Variants in INPP4B observed in about 807,000 individuals in gnomAD.
The protein encoded by INPP4B is inositol polyphosphate-4-phosphatase type II B, also known as inositol polyphosphate 4-phosphatase type II.
In INPP4B, 55 loss-of-function variants were observed where a neutral mutation model predicts 122.5. That is an observed-to-expected ratio of 0.45 (90% CI 0.36 to 0.56). The LOEUF (loss-of-function observed/expected upper bound fraction) is 0.56, where lower values mean the gene tolerates loss of function less well. Ranked by LOEUF, INPP4B falls within the 20% of genes least tolerant of loss-of-function variation. The pLI is 0.00. For synonymous variants in INPP4B, 403 were observed against 388.7 expected (o/e 1.04, Z -0.43); for missense variants, 1,000 against 1,097.7 (o/e 0.91, Z 1.26).
Position 142,555,945 on chromosome 4 carries a change from G to A in INPP4B, c.-190-93219C>T, listed in dbSNP as rs776845088. 1.4e-4 allele frequency among the ~76,000 whole-genome samples: 22 copies of A among 151,910 alleles called. 1 individual carries two copies. Among genetic ancestry groups the A allele is most frequent in the African/African-American group, 2.4e-4 (10 of 41,314 alleles). On this transcript the variant is annotated intron_variant, in intron 2 of 25. Coordinates refer to ENST00000262992, the MANE Select transcript of INPP4B (RefSeq NM_001101669.3). ...CAGAAAGTGCATGCTGTGTGTGTGT[G>A]TATATACAGATATAGATTTATATGT...
At chr4:142,216,749 A>T (rs1421864619) in intron 12 of INPP4B, among the ~76,000 whole-genome samples, 1 of 152,226 alleles carries the variant, frequency 6.6e-6, no homozygotes, top group East Asian at 1.9e-4. Context: ...GACATGTTTA[A>T]AACACAAGCT....
intron 1 of INPP4B, among the ~76,000 whole-genome samples, chr4:142,802,676 T>C (rs567816253): frequency 3.9e-4 from 60 of 152,258 alleles, no homozygotes; most frequent in African/African-American, 1.4e-3. Context: ...GGAAGTTACC[T>C]TGAAAGCACA....
intron 17 of INPP4B, among the ~76,000 whole-genome samples, chr4:142,155,245 A>G (rs1177315672): frequency 2.0e-5 from 3 of 152,104 alleles, no homozygotes; most frequent in Non-Finnish European, 4.4e-5. Flanking sequence ...AGATCAGGAC[A>G]ATGGTTTTAA....
intron 2 of INPP4B, among the ~76,000 whole-genome samples, chr4:142,498,957 G>T (rs554869434): frequency 6.6e-6 from 1 of 152,240 alleles, no homozygotes; most frequent in South Asian, 2.1e-4. Flanking sequence ...AGTTAGTATT[G>T]TCAAATATAG....
intron 1 of INPP4B, among the ~76,000 whole-genome samples, chr4:142,803,942 C>T (rs980179112): frequency 2.6e-5 from 4 of 151,888 alleles, no homozygotes; most frequent in Non-Finnish European, 5.9e-5. Flanking sequence ...GCCTATAATC[C>T]TAGCTACTTA....
At chr4:142,426,018 AG>A (rs148719096) in intron 5 of INPP4B, among the ~76,000 whole-genome samples, 32,359 of 152,056 alleles carry the variant, frequency 0.21, 4,421 homozygotes, top group Middle Eastern at 0.31. Context: ...CAGAGCGTCA[AG>A]GAAAGAACAC....
chr4:142,253,753 T>G (rs1733875056), intron 11 of INPP4B, among the ~76,000 whole-genome samples: 1 of 152,116 alleles, frequency 6.6e-6, no homozygotes, highest in African/African-American at 2.4e-5. Context: ...GAGATCAAAC[T>G]GCAAGGTGGC....
intron 2 of INPP4B, among the ~76,000 whole-genome samples, chr4:142,465,752 T>C (rs749790749): frequency 7.9e-5 from 12 of 152,188 alleles, no homozygotes; most frequent in Non-Finnish European, 1.8e-4. Context: ...GGATCCTTCA[T>C]GAATGGCTTA....
chr4:142,833,965 A>G (rs1782480939), intron 1 of INPP4B, among the ~76,000 whole-genome samples: 2 of 152,142 alleles, frequency 1.3e-5, no homozygotes, highest in South Asian at 4.2e-4. Flanking sequence ...AAATCATGGG[A>G]ATCTGGGTAG....
At chr4:142,842,363 T>A (rs534083027) in intron 1 of INPP4B, among the ~76,000 whole-genome samples, 1 of 151,144 alleles carries the variant, frequency 6.6e-6, no homozygotes, top group Admixed American at 6.6e-5. Flanking sequence ...TAATAGCTAA[T>A]GTTTGGTGAA....
At chr4:142,264,296 G>A (rs770616634) in intron 10 of INPP4B, among the ~76,000 whole-genome samples, 2 of 152,126 alleles carry the variant, frequency 1.3e-5, no homozygotes, top group Non-Finnish European at 2.9e-5. Context: ...GTTAAATTCT[G>A]GTTTCAATTA....
chr4:142,149,427 A>G (rs1272077934), intron 17 of INPP4B, among the ~76,000 whole-genome samples: 1 of 152,214 alleles, frequency 6.6e-6, no homozygotes, highest in Non-Finnish European at 1.5e-5. Flanking sequence ...ATGTTTAATA[A>G]AACTCAACAT....
At chr4:142,276,591 C>T (rs1561714924) in intron 9 of INPP4B, among the ~76,000 whole-genome samples, 1 of 151,878 alleles carries the variant, frequency 6.6e-6, no homozygotes, top group Non-Finnish European at 1.5e-5. Context: ...GTAAACCATC[C>T]TACTTATCTC....
chr4:142,702,325 A>G (rs1761902196), intron 2 of INPP4B, among the ~76,000 whole-genome samples: 1 of 152,174 alleles, frequency 6.6e-6, no homozygotes, highest in African/African-American at 2.4e-5. Flanking sequence ...CCTCTTAAAA[A>G]TCATCTACTC....
intron 2 of INPP4B, chr4:142,514,292 C>T (rs901663767): frequency 3.5e-4 from 53 of 152,282 alleles, no homozygotes; most frequent in African/African-American, 1.3e-3. Flanking sequence ...TTAATTTATC[C>T]TTTCTTTGAA....
intron 2 of INPP4B, among the ~76,000 whole-genome samples, chr4:142,595,014 A>G (rs1000519361): frequency 2.0e-5 from 3 of 151,666 alleles, no homozygotes; most frequent in Non-Finnish European, 4.4e-5. Flanking sequence ...CACTATCTCA[A>G]AGTTGCTTCA....
Position 142,237,977 on chromosome 4 carries a change from A to C in INPP4B, c.723T>G (p.Phe241Leu). The C allele has an allele frequency of 6.4e-7, 1 of 1,559,080 alleles. No individual in the cohort carries two copies. Among genetic ancestry groups the C allele is most frequent in the Middle Eastern group, 1.7e-4 (1 of 5,922 alleles). The stretch of plus-strand genomic sequence containing the variant: ...GCATCCACTTATTGTCAGATGTGGG[A>C]AATCTATATAATTTACATACTGGGT... ...LKNPVCKLYR[F>L]PTSDNKWMRI... Residue 241 changes from phenylalanine (F) to leucine (L), a missense_variant, in exon 12 of 26, where the codon TTT becomes TTG. Phe to Leu is a conservative substitution (Grantham distance 22). Coordinates refer to ENST00000262992, the MANE Select transcript of INPP4B (RefSeq NM_001101669.3).
At chr4:142,175,646 G>A (rs1827809909) in intron 15 of INPP4B, among the ~76,000 whole-genome samples, 1 of 151,946 alleles carries the variant, frequency 6.6e-6, no homozygotes, top group Admixed American at 6.6e-5. Context: ...GCAAGGAGGG[G>A]AAAGGAAACA....
chr4:142,256,574 C>A (rs1736213966), intron 11 of INPP4B, among the ~76,000 whole-genome samples: 1 of 152,150 alleles, frequency 6.6e-6, no homozygotes, highest in South Asian at 2.1e-4. Context: ...ATACTACAAA[C>A]ACCTCTACGC....
Sources: allele counts gnomAD v4.1 joint callset (sites outside exome capture counted in the v4.1 genomes callset), GRCh38; gene constraint gnomAD v4.1.1; transcripts MANE v1.5; gene names NCBI Gene and HGNC (gene_info 2026-07-23, HGNC 2026-07-21).